Variants in FAT3 observed in about 807,000 individuals in gnomAD.
FAT3 encodes the protein protocadherin Fat 3.
In FAT3, 95 loss-of-function variants were observed where a neutral mutation model predicts 310.2. The ratio of observed to expected loss-of-function variants is 0.31; its 90% confidence interval spans 0.26 to 0.36. The LOEUF (loss-of-function observed/expected upper bound fraction) is 0.36, where lower values mean the gene tolerates loss of function less well. Ranked by LOEUF, FAT3 falls within the 10% of genes least tolerant of loss-of-function variation. The probability of loss-of-function intolerance (pLI) is 1.00; values close to 1 mark genes in which losing one functional copy is unlikely to be tolerated. For synonymous variants in FAT3, 2,314 were observed against 2,192.9 expected, an observed-to-expected ratio of 1.06 and a Z score of -1.54; for missense variants, 5,408 against 5,715.6, an observed-to-expected ratio of 0.95 and a Z score of 1.74.
At chr11:92,553,286 A>G (rs1441160848) in intron 3 of FAT3, among the ~76,000 whole-genome samples, 1 of 152,186 alleles carries the variant, frequency 6.6e-6, no homozygotes, top group Non-Finnish European at 1.5e-5. Context: ...TTTCTTTTTG[A>G]AGTAATAATA....
At chr11:92,784,133 G>A (rs569948338) in intron 7 of FAT3, among the ~76,000 whole-genome samples, 16 of 152,246 alleles carry the variant, frequency 1.1e-4, no homozygotes, top group African/African-American at 3.9e-4. Context: ...CCTTGACATA[G>A]GACTTTAGGC....
intron 19 of FAT3, among the ~76,000 whole-genome samples, chr11:92,854,170 A>C (rs1948908744): frequency 6.6e-6 from 1 of 152,208 alleles, no homozygotes. Flanking sequence ...CCCTGAATGC[A>C]TGCATATCCA....
chr11:92,353,843 C>G lies in FAT3; in HGVS notation c.1731C>G (p.Leu577=). 2 of 1,613,740 alleles carry G rather than the reference C, an allele frequency of 1.2e-6. No individual in the cohort carries two copies. Among genetic ancestry groups the G allele is most frequent in the Non-Finnish European group, 1.7e-6 (2 of 1,179,800 alleles). The change falls in exon 2 of 28, where the codon CTC becomes CTG. Residue 577 remains leucine (L), a synonymous_variant. Coordinates refer to ENST00000525166, the MANE Select transcript of FAT3 (RefSeq NM_001367949.2). ...RIGNVNDNSP[L]FEKVACQGVI... ...GAAATGTCAACGACAACAGCCCTCT[C>G]TTTGAAAAAGTGGCTTGCCAGGGAG...
intron 2 of FAT3, among the ~76,000 whole-genome samples, chr11:92,378,897 A>G (rs1949420160): frequency 6.6e-6 from 1 of 152,148 alleles, no homozygotes; most frequent in Non-Finnish European, 1.5e-5. Context: ...GGTTGCTTTT[A>G]TAAGGGCACT....
intron 7 of FAT3, among the ~76,000 whole-genome samples, chr11:92,776,541 T>G (rs539382690): frequency 5.3e-5 from 8 of 152,354 alleles, no homozygotes; most frequent in African/African-American, 1.9e-4. Context: ...TTCATTTTTT[T>G]CAAGTTAATA....
rs1293160815 is a variant in FAT3, at chr11:92,649,871, GTTCATATATATATATATATATA to G, written c.3608-47511_3608-47490del. Among the ~76,000 whole-genome samples the G allele has an allele frequency of 1.0e-3, 114 of 114,094 alleles. 1 individual carries two copies. The highest frequency in any genetic ancestry group is 3.4e-3 in the African/African-American group (101 of 29,814). The allele number at this position is 114,094 out of a possible 152,430, so 74.9% of individuals were successfully genotyped here. A position where few individuals can be genotyped will look rare whatever the true frequency, so the allele number is the denominator to read the frequency against. On this transcript the variant is annotated intron_variant, in intron 3 of 27. Coordinates refer to ENST00000525166, the MANE Select transcript of FAT3 (RefSeq NM_001367949.2). ...CATTTGTTAAACACCCACTTTGTAT[GTTCATATATATATATATATATA>G]TATATATATATATATATATATATGC...
intron 13 of FAT3, among the ~76,000 whole-genome samples, chr11:92,819,648 G>T (rs989392827): frequency 6.6e-6 from 1 of 152,082 alleles, no homozygotes; most frequent in Non-Finnish European, 1.5e-5. Context: ...TTTTGTCCAA[G>T]CATTTTTTAA....
At chr11:92,867,843 G>A (rs906820172) in intron 22 of FAT3, among the ~76,000 whole-genome samples, 1 of 152,136 alleles carries the variant, frequency 6.6e-6, no homozygotes. Context: ...AGCAGGCAAT[G>A]AAGGCATGAT....
chr11:92,750,015 G>C lies in FAT3; in HGVS notation c.3670-11841G>C, dbSNP rs533942600. 8.5e-5 allele frequency among the ~76,000 whole-genome samples: 13 copies of C among 152,348 alleles called. 2 individuals are homozygous for C. In the South Asian group the frequency reaches 2.7e-3, roughly 32 times the overall value. ...TAAAGGGAAAAGCTAATCCCAGCCA[G>C]AGATGACCAGCCTATGTAGATGAGT... is the stretch of plus-strand genomic sequence containing the variant. On this transcript the variant is annotated intron_variant, in intron 4 of 27. Transcript: ENST00000525166.
chr11:92,431,431 A>G (rs1052832198), intron 2 of FAT3, among the ~76,000 whole-genome samples: 1 of 152,108 alleles, frequency 6.6e-6, no homozygotes, highest in East Asian at 1.9e-4. Context: ...AGATCAGTAG[A>G]TTGCAAAAAT....
chr11:92,720,224 T>C (rs1347089902), intron 4 of FAT3, among the ~76,000 whole-genome samples: 1 of 152,202 alleles, frequency 6.6e-6, no homozygotes, highest in African/African-American at 2.4e-5. Context: ...ACCCTGAGGC[T>C]TTAAGCACTG....
At chr11:92,677,620 G>A (rs368688279) in intron 3 of FAT3, among the ~76,000 whole-genome samples, 1 of 152,166 alleles carries the variant, frequency 6.6e-6, no homozygotes, top group African/African-American at 2.4e-5. Context: ...AAGGTCAAGA[G>A]GTTTGCATCT....
chr11:92,561,141 C>A (rs1342854202), intron 3 of FAT3, among the ~76,000 whole-genome samples: 2 of 152,122 alleles, frequency 1.3e-5, no homozygotes, highest in South Asian at 2.1e-4. Context: ...AAGGAAAATT[C>A]TCCAAATTTC....
At chr11:92,487,678 A>C (rs1270097870) in intron 2 of FAT3, among the ~76,000 whole-genome samples, 1 of 152,234 alleles carries the variant, frequency 6.6e-6, no homozygotes, top group Non-Finnish European at 1.5e-5. Context: ...AGAAAATGGC[A>C]GAGACTTGAA....
Position 92,766,406 on chromosome 11 carries a change from T to A in FAT3, c.4195+1317T>A, listed in dbSNP as rs1247122100. On this transcript the variant is annotated intron_variant, in intron 6 of 27. Transcript: ENST00000525166. ...TCCCCATGGCACTGCCTGGATAGGATGGGCAGGAACCTGCCTCTCCCCCCC... is the reference window on the plus strand; with the variant it reads ...TCCCCATGGCACTGCCTGGATAGGAAGGGCAGGAACCTGCCTCTCCCCCCC... Among the ~76,000 whole-genome samples, 3 of 152,230 alleles carry A rather than the reference T, an allele frequency of 2.0e-5. No homozygotes were observed. The East Asian group carries it at 5.8e-4, about 30-fold the overall frequency.
chr11:92,644,950 T>C (rs1373600998), intron 3 of FAT3, among the ~76,000 whole-genome samples: 2 of 152,198 alleles, frequency 1.3e-5, no homozygotes, highest in African/African-American at 4.8e-5. Context: ...AGTGAAAATA[T>C]GACAGAGGCG....
At chr11:92,881,213 T>C (rs1316003751) in intron 23 of FAT3, among the ~76,000 whole-genome samples, 1 of 152,238 alleles carries the variant, frequency 6.6e-6, no homozygotes, top group Non-Finnish European at 1.5e-5. Flanking sequence ...GAGGCAGACA[T>C]ACTACCCATT....
chr11:92,871,201 T>C lies in FAT3; in HGVS notation c.12127+3992T>C, dbSNP rs142829676. ...CAAAACAGTGTGTAGTGGTATTGGTTTATATTTTTTTCCTTGAAAATGCAA... is the reference window on the plus strand; with the variant it reads ...CAAAACAGTGTGTAGTGGTATTGGTCTATATTTTTTTCCTTGAAAATGCAA... On this transcript the variant is annotated intron_variant, in intron 22 of 27. Coordinates refer to ENST00000525166, the MANE Select transcript of FAT3 (RefSeq NM_001367949.2). 5.1e-4 allele frequency among the ~76,000 whole-genome samples: 78 copies of C among 152,348 alleles called. 1 individual carries two copies. The East Asian group carries it at 0.015, about 29-fold the overall frequency.
At chr11:92,402,612 A>C (rs548315736) in intron 2 of FAT3, among the ~76,000 whole-genome samples, 3,695 of 151,958 alleles carry the variant, frequency 0.024, 55 homozygotes, top group Non-Finnish European at 0.03. Flanking sequence ...GCGTGCCTGT[A>C]GTCCCAGCTA....
Sources: allele counts gnomAD v4.1 joint callset (sites outside exome capture counted in the v4.1 genomes callset), GRCh38; gene constraint gnomAD v4.1.1; transcripts MANE v1.5; gene names NCBI Gene and HGNC (gene_info 2026-07-23, HGNC 2026-07-21).